The following NUBPL variants were observed in gnomAD, a reference collection of about 807,000 sequenced individuals.
The protein encoded by NUBPL is iron-sulfur cluster transfer protein NUBPL.
In NUBPL, 31 loss-of-function variants were observed where a neutral mutation model predicts 45.7. The ratio of observed to expected loss-of-function variants is 0.68; its 90% CI spans 0.51 to 0.92. The LOEUF is 0.92. Ranked by LOEUF, NUBPL falls within the 40% of genes least tolerant of loss-of-function variation. The pLI is 0.00. For missense variants in NUBPL, 401 were observed against 398.7 expected (o/e 1.01, Z -0.05); for synonymous variants, 144 against 140.9 (o/e 1.02, Z -0.15).
At chr14:31,728,413 C>T (rs1462962474) in intron 6 of NUBPL, among the ~76,000 whole-genome samples, 4 of 152,100 alleles carry the variant, frequency 2.6e-5, no homozygotes, top group East Asian at 1.9e-4. Flanking sequence ...GGATTACAGG[C>T]GTGAGCTACT....
intron 3 of NUBPL, among the ~76,000 whole-genome samples, chr14:31,589,797 T>C (rs561695756): frequency 6.6e-6 from 1 of 152,312 alleles, no homozygotes; most frequent in Admixed American, 6.5e-5. Context: ...ACAACATGCT[T>C]TGAAATTTCC....
At chr14:31,851,543 A>G (rs1458109305) in intron 10 of NUBPL, among the ~76,000 whole-genome samples, 1 of 152,182 alleles carries the variant, frequency 6.6e-6, no homozygotes, top group African/African-American at 2.4e-5. Flanking sequence ...CTGAGTAGAT[A>G]TGGTATAACA....
chr14:31,574,061 G>A (rs1401948789), intron 3 of NUBPL, among the ~76,000 whole-genome samples: 2 of 152,078 alleles, frequency 1.3e-5, no homozygotes, highest in Non-Finnish European at 2.9e-5. Flanking sequence ...TGGATAAGGT[G>A]CCTATAGTTT....
At chr14:31,782,784 T>TG (rs1301951875) in intron 6 of NUBPL, among the ~76,000 whole-genome samples, 6 of 124,392 alleles carry the variant, frequency 4.8e-5, no homozygotes, top group Non-Finnish European at 1.1e-4. Context: ...AGACTCCGTC[T>TG]AAAAAACAAA....
chr14:31,815,792 T>C (rs1450097578), intron 7 of NUBPL, among the ~76,000 whole-genome samples: 1 of 140,202 alleles, frequency 7.1e-6, no homozygotes, highest in Non-Finnish European at 1.5e-5. Context: ...ATTGAGATAA[T>C]CATGTGGTTT....
chr14:31,569,847 T>G (rs2033534556), intron 3 of NUBPL, among the ~76,000 whole-genome samples: 2 of 152,264 alleles, frequency 1.3e-5, no homozygotes, highest in African/African-American at 4.8e-5. Flanking sequence ...TGGTACCCAC[T>G]GATCTTATAT....
intron 3 of NUBPL, among the ~76,000 whole-genome samples, chr14:31,596,679 G>A (rs1010979923): frequency 3.9e-5 from 6 of 152,156 alleles, no homozygotes; most frequent in South Asian, 2.1e-4. Flanking sequence ...GAGTTAGATC[G>A]TGTTAAAGTT....
At chr14:31,660,668 G>A (rs2036247689) in intron 4 of NUBPL, among the ~76,000 whole-genome samples, 1 of 152,116 alleles carries the variant, frequency 6.6e-6, no homozygotes, top group Admixed American at 6.5e-5. Flanking sequence ...CCCATTTTAA[G>A]AAATGGATTT....
chr14:31,633,135 T>G (rs2035388326), intron 4 of NUBPL, among the ~76,000 whole-genome samples: 1 of 152,200 alleles, frequency 6.6e-6, no homozygotes, highest in Admixed American at 6.5e-5. Context: ...CTTTGCATCT[T>G]TGGCTGTGTA....
intron 6 of NUBPL, among the ~76,000 whole-genome samples, chr14:31,752,703 A>C (rs2038558773): frequency 6.6e-6 from 1 of 152,190 alleles, no homozygotes; most frequent in Non-Finnish European, 1.5e-5. Flanking sequence ...AGTTGCTCCC[A>C]CATTGTCAGG....
intron 8 of NUBPL, among the ~76,000 whole-genome samples, chr14:31,840,195 A>T (rs1391393490): frequency 6.6e-6 from 1 of 152,214 alleles, no homozygotes; most frequent in African/African-American, 2.4e-5. Context: ...CAAGATATGG[A>T]ATCAACCAAC....
At chr14:31,577,585 C>T (rs1345487007) in intron 3 of NUBPL, among the ~76,000 whole-genome samples, 4 of 152,084 alleles carry the variant, frequency 2.6e-5, no homozygotes, top group African/African-American at 9.7e-5. Flanking sequence ...AGCTAATTTT[C>T]GTATTTTTTA....
At chr14:31,583,332 C>T (rs915585150) in intron 3 of NUBPL, among the ~76,000 whole-genome samples, 1 of 152,160 alleles carries the variant, frequency 6.6e-6, no homozygotes, top group African/African-American at 2.4e-5. Context: ...CATCACACAG[C>T]ATGTGGTTTT....
At chr14:31,599,431 C>G in intron 4 of NUBPL, 52 bp downstream of exon 4, 1 of 1,233,020 alleles carries the variant, frequency 8.1e-7, no homozygotes. Flanking sequence ...TTTATTAATA[C>G]TTACTGGGTG....
At chr14:31,824,186 G>T (rs1460034243) in intron 7 of NUBPL, among the ~76,000 whole-genome samples, 1 of 152,088 alleles carries the variant, frequency 6.6e-6, no homozygotes, top group Non-Finnish European at 1.5e-5. Flanking sequence ...TTTTAATCCT[G>T]TGACCTAAGT....
chr14:31,611,341 T>C (rs961085222), intron 4 of NUBPL, among the ~76,000 whole-genome samples: 1 of 152,104 alleles, frequency 6.6e-6, no homozygotes, highest in East Asian at 1.9e-4. Flanking sequence ...ACACATAAAA[T>C]TAAATACTTA....
intron 6 of NUBPL, among the ~76,000 whole-genome samples, chr14:31,733,206 G>T (rs987949889): frequency 6.6e-6 from 1 of 152,208 alleles, no homozygotes; most frequent in Non-Finnish European, 1.5e-5. Context: ...TAGATAGATA[G>T]ATATCCCTCG....
chr14:31,692,627 A>G (rs1248474880), intron 6 of NUBPL, among the ~76,000 whole-genome samples: 15 of 152,230 alleles, frequency 9.9e-5, no homozygotes, highest in Non-Finnish European at 1.6e-4. Flanking sequence ...AAGCAGTTTC[A>G]CTTTAGCTGA....
At chr14:31,786,359 A>G (rs1286834346) in intron 6 of NUBPL, among the ~76,000 whole-genome samples, 1 of 152,222 alleles carries the variant, frequency 6.6e-6, no homozygotes, top group Non-Finnish European at 1.5e-5. Flanking sequence ...ACCGTTTTAT[A>G]GGAAGACAGA....
Sources: allele counts gnomAD v4.1 joint callset (sites outside exome capture counted in the v4.1 genomes callset), GRCh38; gene constraint gnomAD v4.1.1; transcripts MANE v1.5; gene names NCBI Gene and HGNC (gene_info 2026-07-23, HGNC 2026-07-21).